CCSER1: variants seen among roughly 807,000 people sequenced by gnomAD.
CCSER1 encodes serine-rich coiled-coil domain-containing protein 1.
In CCSER1, 41 loss-of-function variants were observed where a neutral mutation model predicts 82.0. The observed-to-expected ratio is 0.50, with a 90% CI of 0.39 to 0.65. CCSER1 has a LOEUF of 0.65. Among genes scored for constraint, CCSER1 ranks in the 30% least tolerant of loss-of-function variants. The pLI is 0.00. For missense variants in CCSER1, 1,119 were observed against 1,064.2 expected (o/e 1.05, Z -0.72); for synonymous variants, 414 against 383.9 (o/e 1.08, Z -0.92).
chr4:90,657,909 A>G (rs1007917644), intron 6 of CCSER1, among the ~76,000 whole-genome samples: 5 of 152,148 alleles, frequency 3.3e-5, no homozygotes, highest in Admixed American at 6.5e-5. Flanking sequence ...TTCAAGACCA[A>G]CCTTGCCAAC....
intron 5 of CCSER1, 37 bp from the exon 6 acceptor site, chr4:90,627,988 G>T (rs748284110): frequency 2.6e-6 from 4 of 1,517,366 alleles, no homozygotes; most frequent in Non-Finnish European, 3.6e-6. Context: ...TAAGCATGCT[G>T]CACTGTAATT....
intron 10 of CCSER1, among the ~76,000 whole-genome samples, chr4:91,126,189 G>T (rs1008593908): frequency 3.3e-4 from 50 of 151,816 alleles, no homozygotes; most frequent in African/African-American, 1.2e-3. Flanking sequence ...TTTAGGAAAT[G>T]CATAAGATTT....
At chr4:90,867,711 C>T (rs1191102303) in intron 8 of CCSER1, among the ~76,000 whole-genome samples, 2 of 151,868 alleles carry the variant, frequency 1.3e-5, no homozygotes, top group Admixed American at 1.3e-4. Flanking sequence ...CCTTTCCAGC[C>T]TTTGGTAACC....
chr4:91,541,945 T>C (rs900427793), intron 10 of CCSER1, among the ~76,000 whole-genome samples: 3 of 152,194 alleles, frequency 2.0e-5, no homozygotes, highest in African/African-American at 7.2e-5. Flanking sequence ...TGTTATCTCA[T>C]TGTGGTTTTG....
At chr4:90,375,234 T>C (rs1227694786) in intron 3 of CCSER1, among the ~76,000 whole-genome samples, 1 of 152,144 alleles carries the variant, frequency 6.6e-6, no homozygotes, top group Admixed American at 6.6e-5. Context: ...GCTCACTAGG[T>C]CCTCCTGGAA....
intron 10 of CCSER1, among the ~76,000 whole-genome samples, chr4:91,137,856 T>A (rs1728638733): frequency 7.0e-6 from 1 of 143,596 alleles, no homozygotes. Flanking sequence ...GAGAATAAAA[T>A]ACCTAGGAAT....
intron 8 of CCSER1, among the ~76,000 whole-genome samples, chr4:90,865,855 A>T (rs1765667674): frequency 6.6e-6 from 1 of 151,990 alleles, no homozygotes; most frequent in Non-Finnish European, 1.5e-5. Flanking sequence ...ATTTGTAAAG[A>T]AAAGAGGTTT....
chr4:90,913,677 A>G (rs932429579), intron 8 of CCSER1, among the ~76,000 whole-genome samples: 1 of 152,202 alleles, frequency 6.6e-6, no homozygotes, highest in African/African-American at 2.4e-5. Flanking sequence ...AAATGCTCCA[A>G]CTGAAAGACA....
intron 10 of CCSER1, among the ~76,000 whole-genome samples, chr4:91,340,346 C>T (rs1747629360): frequency 6.6e-6 from 1 of 152,100 alleles, no homozygotes; most frequent in Admixed American, 6.6e-5. Flanking sequence ...AATCACTGTC[C>T]TGAATTAAAT....
intron 6 of CCSER1, among the ~76,000 whole-genome samples, chr4:90,699,415 G>A (rs575266351): frequency 2.8e-4 from 43 of 152,226 alleles, no homozygotes; most frequent in African/African-American, 1.0e-3. Flanking sequence ...CAGTGAGTCA[G>A]GATCAAGCAA....
At chr4:90,211,299 A>G (rs1739946696) in intron 1 of CCSER1, among the ~76,000 whole-genome samples, 1 of 152,222 alleles carries the variant, frequency 6.6e-6, no homozygotes, top group Non-Finnish European at 1.5e-5. Context: ...AGCTATTTGT[A>G]AAAGTCATAT....
At chr4:91,231,832 A>G (rs1434647041) in intron 10 of CCSER1, among the ~76,000 whole-genome samples, 1 of 151,818 alleles carries the variant, frequency 6.6e-6, no homozygotes, top group Non-Finnish European at 1.5e-5. Flanking sequence ...TTCTAGTTCA[A>G]TATACTTCAG....
intron 10 of CCSER1, among the ~76,000 whole-genome samples, chr4:91,174,703 T>C (rs1733124529): frequency 6.6e-6 from 1 of 152,196 alleles, no homozygotes; most frequent in Non-Finnish European, 1.5e-5. Flanking sequence ...TGTTATACCA[T>C]TGATAAAAAT....
intron 5 of CCSER1, among the ~76,000 whole-genome samples, chr4:90,537,033 G>C (rs749054458): frequency 2.0e-5 from 3 of 152,106 alleles, no homozygotes; most frequent in Non-Finnish European, 4.4e-5. Context: ...CTTTTGCCGG[G>C]AGGCCTTGAT....
intron 6 of CCSER1, among the ~76,000 whole-genome samples, chr4:90,720,336 G>T (rs1318032409): frequency 6.6e-6 from 1 of 151,570 alleles, no homozygotes; most frequent in African/African-American, 2.4e-5. Flanking sequence ...CTGGGTGTTA[G>T]TAAGGATATT....
chr4:90,994,923 G>A (rs537760543), intron 9 of CCSER1, among the ~76,000 whole-genome samples: 11 of 152,174 alleles, frequency 7.2e-5, no homozygotes, highest in African/African-American at 1.9e-4. Flanking sequence ...TTCTGCTTCT[G>A]GTGGTTATTC....
At chr4:90,603,517 C>T (rs1265063233) in intron 5 of CCSER1, among the ~76,000 whole-genome samples, 1 of 152,168 alleles carries the variant, frequency 6.6e-6, no homozygotes, top group Non-Finnish European at 1.5e-5. Context: ...CTCTCAAGCT[C>T]TTCCCTTGTA....
At chr4:90,888,215 C>CA (rs1203944492) in intron 8 of CCSER1, among the ~76,000 whole-genome samples, 4 of 151,834 alleles carry the variant, frequency 2.6e-5, no homozygotes, top group East Asian at 1.9e-4. Context: ...CAGTTGAATT[C>CA]AAAAAAATCA....
chr4:91,172,878 T>C (rs931062334), intron 10 of CCSER1, among the ~76,000 whole-genome samples: 1 of 152,134 alleles, frequency 6.6e-6, no homozygotes, highest in Non-Finnish European at 1.5e-5. Flanking sequence ...AAGAAACATA[T>C]TAAACATACT....
Sources: gnomAD v4.1 joint callset for allele counts (sites outside exome capture counted in the v4.1 genomes callset) on GRCh38, gnomAD v4.1.1 for gene constraint, MANE v1.5 for transcripts, NCBI Gene and HGNC (gene_info 2026-07-23, HGNC 2026-07-21) for gene names.